Variants in NEBL observed in about 807,000 individuals in gnomAD.
NEBL encodes the protein LIM and SH3 protein 2.
In NEBL, 122 loss-of-function variants were observed where a neutral mutation model predicts 140.2. That is an observed-to-expected ratio of 0.87 (90% confidence interval 0.75 to 1.01). NEBL has a LOEUF of 1.01. NEBL is among the 50% of genes least tolerant of loss of function. The probability of loss-of-function intolerance (pLI) is 0.00; values close to 1 mark genes in which losing one functional copy is unlikely to be tolerated. For synonymous variants in NEBL, 436 were observed against 398.9 expected (o/e 1.09, Z -1.11); for missense variants, 1,365 against 1,231.3 (o/e 1.11, Z -1.62).
At chr10:21,290,526 A>C (rs1048715842) in intron 1 of NEBL, among the ~76,000 whole-genome samples, 3 of 152,244 alleles carry the variant, frequency 2.0e-5, no homozygotes, top group African/African-American at 7.2e-5. Flanking sequence ...GAATCTTATC[A>C]AATAACCAAG....
chr10:20,786,697 G>T (rs965095628), intron 27 of NEBL, among the ~76,000 whole-genome samples: 2 of 152,196 alleles, frequency 1.3e-5, no homozygotes, highest in African/African-American at 2.4e-5. Context: ...GCTTGTAGAA[G>T]AAATTTCTGC....
At chr10:20,848,572 T>G (rs993348004) in intron 11 of NEBL, among the ~76,000 whole-genome samples, 2 of 152,106 alleles carry the variant, frequency 1.3e-5, no homozygotes, top group African/African-American at 4.8e-5. Flanking sequence ...CTGCCTCCTG[T>G]CAGATCAGCG....
chr10:21,221,608 G>T (rs766168665), intron 3 of NEBL, among the ~76,000 whole-genome samples: 1 of 151,866 alleles, frequency 6.6e-6, no homozygotes, highest in East Asian at 1.9e-4. Context: ...AGGCTCAAGC[G>T]AGTCTCCTGC....
intron 3 of NEBL, among the ~76,000 whole-genome samples, chr10:20,962,530 G>A (rs947532573): frequency 1.3e-5 from 2 of 152,124 alleles, no homozygotes; most frequent in Non-Finnish European, 2.9e-5. Flanking sequence ...CAACCCAATG[G>A]AGCTGAATTT....
intron 4 of NEBL, chr10:20,961,549 T>C (rs556393602): frequency 3.2e-5 from 25 of 780,330 alleles, no homozygotes; most frequent in South Asian, 2.9e-4. Context: ...GCATAGTCTA[T>C]GCGTGCACTG....
chr10:21,086,299 A>C (rs1836626330), intron 2 of NEBL, among the ~76,000 whole-genome samples: 1 of 152,230 alleles, frequency 6.6e-6, no homozygotes, highest in African/African-American at 2.4e-5. Flanking sequence ...GAAATCAATG[A>C]CATAACAGAT....
chr10:21,134,405 C>A lies in NEBL; in HGVS notation c.164+37978G>T, dbSNP rs117688245. ...ATCATTTAGCAACAGTGTTAAAAAC[C>A]TTTTGTAATGCTAAAGACAGAGGGC... On this transcript the variant is annotated intron_variant, in intron 2 of 6. Coordinates refer to the NEBL transcript ENST00000417816. Among the ~76,000 whole-genome samples, 762 of 152,110 alleles carry A rather than the reference C, an allele frequency of 5.0e-3. 4 individuals carry two copies. Among genetic ancestry groups the A allele is most frequent in the Middle Eastern group, 0.014 (4 of 294 alleles).
intron 3 of NEBL, among the ~76,000 whole-genome samples, chr10:21,234,008 G>GAGATAGAC (rs138931868): frequency 7.2e-6 from 1 of 139,516 alleles, no homozygotes; most frequent in Non-Finnish European, 1.5e-5. Flanking sequence ...AGGAGATTGT[G>GAGATAGAC]AGATAGATAG....
At chr10:20,919,383 A>C (rs1181838463) in intron 4 of NEBL, among the ~76,000 whole-genome samples, 1 of 152,226 alleles carries the variant, frequency 6.6e-6, no homozygotes, top group Non-Finnish European at 1.5e-5. Flanking sequence ...TTCATAGGGT[A>C]TCTCTAAAAA....
chr10:20,868,568 C>T (rs575686134), intron 7 of NEBL, 96 bp downstream of exon 7: 138 of 891,444 alleles, frequency 1.5e-4, no homozygotes, highest in Middle Eastern at 1.1e-3. Context: ...TTTATTCTTG[C>T]AATTAAAGAT....
intron 4 of NEBL, among the ~76,000 whole-genome samples, chr10:20,919,123 A>G (rs1833455169): frequency 6.6e-6 from 1 of 152,186 alleles, no homozygotes; most frequent in South Asian, 2.1e-4. Context: ...CTATCCTAAA[A>G]ATTCAAAACT....
intron 2 of NEBL, among the ~76,000 whole-genome samples, chr10:21,040,470 G>A (rs1589164429): frequency 6.6e-6 from 1 of 152,194 alleles, no homozygotes; most frequent in Admixed American, 6.5e-5. Context: ...AGGGGGAGCA[G>A]GTATGTTACC....
chr10:21,085,113 C>T (rs931306373), intron 2 of NEBL, among the ~76,000 whole-genome samples: 1 of 152,162 alleles, frequency 6.6e-6, no homozygotes. Flanking sequence ...AACCTACCAG[C>T]GATTTTGAAA....
intron 26 of NEBL, among the ~76,000 whole-genome samples, chr10:20,807,642 G>T (rs1837728134): frequency 6.6e-6 from 1 of 151,826 alleles, no homozygotes; most frequent in African/African-American, 2.4e-5. Context: ...TACCCACCAA[G>T]GTGTTAAGTT....
chr10:21,027,308 AAAAC>A (rs977566865), intron 2 of NEBL, among the ~76,000 whole-genome samples: 6 of 146,726 alleles, frequency 4.1e-5, no homozygotes, highest in South Asian at 2.3e-4. Flanking sequence ...CTTTAAAAAA[AAAAC>A]AACAACTTTT....
chr10:21,007,549 A>G lies in NEBL; in HGVS notation c.249+12568T>C, dbSNP rs537206521. On this transcript the variant is annotated intron_variant, in intron 3 of 6. Coordinates refer to the NEBL transcript ENST00000417816. ...CCTTCCATTCTTTCTATTTCATTTC[A>G]TACATTATCACCCTTATCATCTGAC... Among the ~76,000 whole-genome samples the G allele has an allele frequency of 7.2e-5, 11 of 152,280 alleles. No homozygotes were observed. In the South Asian group the frequency reaches 2.3e-3, roughly 32 times the overall value.
At chr10:21,028,254 A>AGAAGAAGAAAAAGAAGAAGAAGAAGAAG (rs1554819369) in intron 2 of NEBL, among the ~76,000 whole-genome samples, 1 of 70,332 alleles carries the variant, frequency 1.4e-5, no homozygotes, top group Non-Finnish European at 2.7e-5. Context: ...AAAAAAAAAA[A>AGAAGAAGAAAAAGAAGAAGAAGAAGAAG]AAGAAGAAGA....
At chr10:20,830,921 A>AAAG (rs1156943252) in intron 16 of NEBL, among the ~76,000 whole-genome samples, 3 of 150,084 alleles carry the variant, frequency 2.0e-5, no homozygotes, top group African/African-American at 2.5e-5. Context: ...TTAAAAAAAA[A>AAAG]AAAAAAAAAA....
intron 2 of NEBL, among the ~76,000 whole-genome samples, chr10:21,043,799 CAT>C (rs138424319): frequency 0.049 from 7,382 of 152,180 alleles, 589 homozygotes; most frequent in African/African-American, 0.17. Flanking sequence ...ATTTATTCAA[CAT>C]AGATGCATCA....
Sources: allele counts gnomAD v4.1 joint callset (sites outside exome capture counted in the v4.1 genomes callset), GRCh38; gene constraint gnomAD v4.1.1; transcripts MANE v1.5; gene names NCBI Gene and HGNC (gene_info 2026-07-23, HGNC 2026-07-21).